The following HOXD3 variants were observed in gnomAD, a reference collection of about 807,000 sequenced individuals.
HOXD3 encodes homeobox D3.
HOXD3 carries 13 observed loss-of-function variants against 32.8 expected under a neutral mutation model. The ratio of observed to expected loss-of-function variants is 0.40; its 90% CI spans 0.26 to 0.63. HOXD3 has a LOEUF of 0.63. Among genes scored for constraint, HOXD3 ranks in the 20% least tolerant of loss-of-function variants. The pLI is 0.44. For synonymous variants in HOXD3, 241 were observed against 246.8 expected (o/e 0.98, Z 0.22); for missense variants, 504 against 577.1 (o/e 0.87, Z 1.30).
chr2:176,168,995 C>T (rs1005510767), intron 2 of HOXD3, 36 bp from the exon 3 acceptor site: 2 of 1,446,804 alleles, frequency 1.4e-6, no homozygotes, highest in Non-Finnish European at 1.8e-6. Flanking sequence ...TTGCCAATGA[C>T]ACTCCCTCTG....
rs371230694 is a variant in HOXD3 at position 176,171,893 on chromosome 2, G to A, written c.918G>A (p.Gln306=). 6 of 1,607,620 alleles carry A rather than the reference G, an allele frequency of 3.7e-6. No individual in the cohort carries two copies. The African/African-American group carries it at 6.7e-5, about 18-fold the overall frequency. The change falls in exon 4 of 4, where the codon CAG becomes CAA. Residue 306 remains glutamine (Q), a synonymous_variant. Transcript: ENST00000683222. ...APSPPAFAKS[Q]PNMYGLAAYT... is the part of the protein sequence containing the mutation. The stretch of plus-strand genomic sequence containing the variant: ...CGCCGCCTGCTTTCGCCAAATCACA[G>A]CCCAATATGTACGGCCTGGCCGCCT...
Position 176,172,012 on chromosome 2 carries a change from T to A in HOXD3, c.1037T>A (p.Phe346Tyr), listed in dbSNP as rs1218634514. The A allele has an allele frequency of 1.9e-6, 3 of 1,606,742 alleles. No homozygotes were observed. Among genetic ancestry groups the A allele is most frequent in the Non-Finnish European group, 2.5e-6 (3 of 1,178,654 alleles). Residue 346 changes from phenylalanine (F) to tyrosine (Y), a missense_variant, in exon 4 of 4, where the codon TTC (phenylalanine) becomes TAC (tyrosine). By Grantham distance (22) the Phe-to-Tyr change is conservative. Transcript: ENST00000683222. ...PHPMASNGGG[F>Y]ASANLQGSPV... ...CCCATGGCGAGCAACGGCGGCGGCT[T>A]CGCCAGCGCCAACTTGCAGGGCAGC...
At chr2:176,167,306 AT>A (rs1691002074) in intron 2 of HOXD3, among the ~76,000 whole-genome samples, 1 of 152,214 alleles carries the variant, frequency 6.6e-6, no homozygotes, top group Non-Finnish European at 1.5e-5. Context: ...GCAGATGTCA[AT>A]AATATCTATT....
upstream of HOXD3, among the ~76,000 whole-genome samples, chr2:176,156,196 G>T (rs1463682393): frequency 6.6e-6 from 1 of 152,078 alleles, no homozygotes; most frequent in South Asian, 2.1e-4. Context: ...TTTTTGGGGG[G>T]TGCCTAAAGT....
upstream of HOXD3, chr2:176,152,727 A>G: frequency 6.2e-7 from 1 of 1,614,200 alleles, no homozygotes; most frequent in South Asian, 1.1e-5. The surrounding 1 kb of genome is among the most constrained non-coding windows in gnomAD (Gnocchi z 5.2). Flanking sequence ...GCGCCGTCGG[A>G]TTGAAATCGC....
At chr2:176,160,443 T>G (rs1422899963) in intron 1 of HOXD3, among the ~76,000 whole-genome samples, 1 of 152,134 alleles carries the variant, frequency 6.6e-6, no homozygotes, top group African/African-American at 2.4e-5. Context: ...GAAAATGTGT[T>G]CTTTCCTTCC....
intron 2 of HOXD3, chr2:176,165,778 G>C (rs949112843): frequency 3.9e-5 from 6 of 152,008 alleles, no homozygotes; most frequent in Non-Finnish European, 5.9e-5. Context: ...TTGGGTCTTG[G>C]AGCCCAAATG....
intron 3 of HOXD3, among the ~76,000 whole-genome samples, chr2:176,171,302 T>C (rs1211719394): frequency 6.6e-6 from 1 of 151,850 alleles, no homozygotes; most frequent in African/African-American, 2.4e-5. Flanking sequence ...CTGATGGAGG[T>C]TTCAGGTGCG....
chr2:176,157,092 G>A (rs1213597511), upstream of HOXD3, among the ~76,000 whole-genome samples: 3 of 152,084 alleles, frequency 2.0e-5, no homozygotes, highest in Non-Finnish European at 4.4e-5. Context: ...GACCCTCGGC[G>A]GACGGCGCTT....
In HOXD3 at chr2:176,169,547, G is replaced by A. The variant is rs749119115; in HGVS notation, c.433G>A (p.Gly145Ser). The A allele has an allele frequency of 2.8e-5, 45 of 1,613,854 alleles. No individual in the cohort carries two copies. The highest frequency in any genetic ancestry group is 3.8e-5 in the Non-Finnish European group (45 of 1,180,000). The change falls in exon 3 of 4, where the codon GGT becomes AGT. Residue 145 changes from glycine (G) to serine (S), a missense_variant. By Grantham distance (56) the Gly-to-Ser change is moderately conservative (BLOSUM62 0). Transcript: ENST00000683222. The stretch of plus-strand genomic sequence containing the variant: ...TGGAGTGCCTGCCAAGAAGCCCAAA[G>A]GTGGGCCCAATGCTTCTAGCTCCTC... The part of the protein sequence containing the change: ...GGGVPAKKPK[G>S]GPNASSSSAT...
At position 176,157,348 on chromosome 2, in the gene HOXD3, T is replaced by C. The variant is rs917437505; in HGVS notation, c.-285T>C. Reference sequence around the variant, plus strand: ...TGCCACGCAAAGGGCTCTCTCCGACTTGGAAAGTGCAGGGATCCCAAGAAT... The same window carrying C: ...TGCCACGCAAAGGGCTCTCTCCGACCTGGAAAGTGCAGGGATCCCAAGAAT... On this transcript the variant is annotated 5_prime_UTR_variant, in exon 1 of 4. Transcript: ENST00000683222. Among the ~76,000 whole-genome samples the C allele has an allele frequency of 6.6e-6, 1 of 152,120 alleles. No homozygotes were observed. Among genetic ancestry groups the C allele is most frequent in the Non-Finnish European group, 1.5e-5 (1 of 68,002 alleles).
At chr2:176,168,738 C>T (rs1202683144) in intron 2 of HOXD3, among the ~76,000 whole-genome samples, 1 of 152,104 alleles carries the variant, frequency 6.6e-6, no homozygotes, top group East Asian at 1.9e-4. Flanking sequence ...ATAGCTGGGA[C>T]TTTGAAATAC....
At chr2:176,156,241 A>C (rs1690641492), upstream of HOXD3, among the ~76,000 whole-genome samples, 1 of 152,204 alleles carries the variant, frequency 6.6e-6, no homozygotes, top group Admixed American at 6.5e-5. Context: ...TAGCAATTCT[A>C]TTATTACCAC....
In HOXD3 at chr2:176,171,513, C is replaced by G; in HGVS notation, c.542-4C>G. 6.3e-7 allele frequency: 1 copy of G among 1,577,544 alleles called. No individual in the cohort carries two copies. Among genetic ancestry groups the G allele is most frequent in the Non-Finnish European group, 8.6e-7 (1 of 1,160,728 alleles). On this transcript the variant is annotated splice_polypyrimidine_tract_variant and splice_region_variant and intron_variant, in intron 3 of 3. Transcript: ENST00000683222. ...GCGCCCTCCCTCTCTCCCTCCCTGC[C>G]CAGGAGAGAGCTGCGAGGACAAGAG...
chr2:176,171,135 G>A (rs1235484874), intron 3 of HOXD3, among the ~76,000 whole-genome samples: 3 of 152,154 alleles, frequency 2.0e-5, no homozygotes, highest in Non-Finnish European at 1.5e-5. Flanking sequence ...AGGCTGGGAG[G>A]AGTGTTCAAA....
rs1252675415 is a variant in HOXD3 at position 176,172,549 on chromosome 2, T to C, written c.*275T>C. 1 of 465,878 alleles carries C rather than the reference T, an allele frequency of 2.1e-6. No individual in the cohort carries two copies. The highest frequency in any genetic ancestry group is 2.0e-5 in the African/African-American group (1 of 50,758). The allele number at this position is 465,878 out of a possible 1,614,324, so 28.9% of individuals were successfully genotyped here. A position where few individuals can be genotyped will look rare whatever the true frequency, so the allele number is the denominator to read the frequency against. On this transcript the variant is annotated 3_prime_UTR_variant, in exon 4 of 4. Transcript: ENST00000683222. ...TGCGGACCAAGGGACTCCAATCTGG[T>C]AATGGTGTCCCAAAGGTAAGTCTGA...
chr2:176,154,936 A>C (rs1371655011), upstream of HOXD3, among the ~76,000 whole-genome samples: 8 of 152,262 alleles, frequency 5.3e-5, no homozygotes, highest in Non-Finnish European at 1.2e-4. Flanking sequence ...GAAGCTGAAA[A>C]GGTATTTTAC....
Position 176,168,731 on chromosome 2 carries a change from G to C in HOXD3, c.-84-300G>C, listed in dbSNP as rs371924595. Among the ~76,000 whole-genome samples, 34 of 152,276 alleles carry C rather than the reference G, an allele frequency of 2.2e-4. 2 individuals are homozygous for C. Among genetic ancestry groups the C allele is most frequent in the East Asian group, 1.7e-3 (9 of 5,186 alleles). On this transcript the variant is annotated intron_variant, in intron 2 of 3. Transcript: ENST00000683222. ...AAATAGCTATTAATACTGCAGAATAGCTGGGACTTTGAAATACTCTGAAAT... is the reference window on the plus strand; with the variant it reads ...AAATAGCTATTAATACTGCAGAATACCTGGGACTTTGAAATACTCTGAAAT...
chr2:176,157,019 G>C (rs1057140264), upstream of HOXD3, among the ~76,000 whole-genome samples: 1 of 152,128 alleles, frequency 6.6e-6, no homozygotes, highest in Non-Finnish European at 1.5e-5. Context: ...TGAATCGCGG[G>C]CAGGGATGAG....
Sources: gnomAD v4.1 joint callset for allele counts (sites outside exome capture counted in the v4.1 genomes callset) on GRCh38, gnomAD v4.1.1 for gene constraint, Gnocchi (gnomAD v3.1) non-coding constraint, MANE v1.5 for transcripts, NCBI Gene and HGNC (gene_info 2026-07-23, HGNC 2026-07-21) for gene names.